ZNF248: variants seen among roughly 807,000 people sequenced by gnomAD.
The protein encoded by ZNF248 is KRAB protein domain.
Under a neutral mutation model 44.3 loss-of-function variants are expected in ZNF248, and 20 were observed. The observed-to-expected ratio is 0.45, with a 90% confidence interval of 0.32 to 0.66. The LOEUF is 0.66. Ranked by LOEUF, ZNF248 falls within the 30% of genes least tolerant of loss-of-function variation. ZNF248 has a pLI of 0.04. For synonymous variants in ZNF248, 224 were observed against 229.0 expected (o/e 0.98, Z 0.20); for missense variants, 654 against 677.0 (o/e 0.97, Z 0.38).
In ZNF248 at chr10:37,836,796, ACACACACACG is replaced by A. The variant is rs542603916; in HGVS notation, c.238+811_238+820del. ...TACACACACACACACACACACACACACACACACACGCATTTTTTTGTCCTTTATTTTAATA... is the reference window on the plus strand; with the variant it reads ...TACACACACACACACACACACACACACATTTTTTTGTCCTTTATTTTAATA... On this transcript the variant is annotated intron_variant, in intron 5 of 5. Transcript: ENST00000395867. 6.0e-3 allele frequency among the ~76,000 whole-genome samples: 910 copies of A among 151,636 alleles called. 10 individuals are homozygous for A. The highest frequency in any genetic ancestry group is 0.021 in the African/African-American group (869 of 41,356).
chr10:37,856,785 C>T (rs967166173), intron 1 of ZNF248: 12 of 934,746 alleles, frequency 1.3e-5, no homozygotes, highest in Non-Finnish European at 1.5e-5. Context: ...AACAATTCCT[C>T]AAAAGGATCT....
chr10:37,822,732 C>T (rs1360742538), intron 6 of ZNF248, among the ~76,000 whole-genome samples: 2 of 152,048 alleles, frequency 1.3e-5, no homozygotes, highest in Non-Finnish European at 2.9e-5. Flanking sequence ...TACATTAACA[C>T]TAACGATAGG....
chr10:37,820,862 T>C, intron 6 of ZNF248: 2 of 1,256,118 alleles, frequency 1.6e-6, no homozygotes, highest in Non-Finnish European at 2.3e-6. Flanking sequence ...TGTATTTATT[T>C]CTTCTTGCAT....
intron 6 of ZNF248, among the ~76,000 whole-genome samples, chr10:37,804,369 C>T (rs1241411449): frequency 6.6e-6 from 1 of 151,872 alleles, no homozygotes; most frequent in Non-Finnish European, 1.5e-5. Context: ...GAGTAGAAAA[C>T]ATAGTTATAT....
chr10:37,762,765 G>A, the ZNF248 span, among the ~76,000 whole-genome samples: 1,829 of 152,236 alleles, frequency 0.012, 38 homozygotes, highest in African/African-American at 0.042. Flanking sequence ...TGGCACACTC[G>A]AGGCTTCCCA....
At chr10:37,822,047 C>T (rs531281191) in intron 6 of ZNF248, among the ~76,000 whole-genome samples, 1 of 152,328 alleles carries the variant, frequency 6.6e-6, no homozygotes, top group East Asian at 1.9e-4. Context: ...CTATGCCTTC[C>T]CCTCCCGGTG....
chr10:37,820,745 GACTC>G (rs1412537598), intron 6 of ZNF248: 21 of 1,305,920 alleles, frequency 1.6e-5, no homozygotes, highest in Non-Finnish European at 5.5e-6. Flanking sequence ...CTGGTTGGAA[GACTC>G]ACTATTAAGT....
chr10:37,798,066 T>C (rs1314256490), intron 6 of ZNF248, among the ~76,000 whole-genome samples: 4 of 152,112 alleles, frequency 2.6e-5, no homozygotes, highest in Non-Finnish European at 5.9e-5. Flanking sequence ...ACAATCCAAA[T>C]GTCTACAAAC....
At chr10:37,779,390 A>G (rs1487304129) in intron 6 of ZNF248, among the ~76,000 whole-genome samples, 3 of 152,212 alleles carry the variant, frequency 2.0e-5, no homozygotes, top group Non-Finnish European at 2.9e-5. Flanking sequence ...AATCCAGCAT[A>G]TAAACAGAGC....
intron 6 of ZNF248, among the ~76,000 whole-genome samples, chr10:37,802,297 T>A (rs1222788673): frequency 6.6e-6 from 1 of 152,156 alleles, no homozygotes; most frequent in Non-Finnish European, 1.5e-5. Flanking sequence ...TGAGATCCTG[T>A]GCAACCTGGC....
intron 5 of ZNF248, among the ~76,000 whole-genome samples, chr10:37,836,836 C>T (rs1249855371): frequency 6.6e-6 from 1 of 151,764 alleles, no homozygotes; most frequent in African/African-American, 2.4e-5. Flanking sequence ...TTAATACACA[C>T]ACTAAGATAC....
chr10:37,820,560 G>A, intron 6 of ZNF248: 1 of 1,601,166 alleles, frequency 6.2e-7, no homozygotes, highest in Non-Finnish European at 8.5e-7. Context: ...CTGGTCCCTG[G>A]CCCGCTTCCC....
intron 3 of ZNF248, among the ~76,000 whole-genome samples, chr10:37,844,348 G>A (rs2058898190): frequency 1.3e-5 from 2 of 152,100 alleles, no homozygotes; most frequent in African/African-American, 4.8e-5. Flanking sequence ...CTGCCCTACA[G>A]AAAATACTAA....
chr10:37,844,948 C>CTT (rs2059030922), intron 3 of ZNF248, among the ~76,000 whole-genome samples: 1 of 132,932 alleles, frequency 7.5e-6, no homozygotes, highest in Non-Finnish European at 1.6e-5. Context: ...CTCCCCCTTC[C>CTT]CTCCCCCCTT....
At chr10:37,761,347 G>T in the ZNF248 span, among the ~76,000 whole-genome samples, 1 of 152,194 alleles carries the variant, frequency 6.6e-6, no homozygotes, top group Non-Finnish European at 1.5e-5. Context: ...TCTCATAAAT[G>T]ACCATTTAGC....
At chr10:37,777,000 T>C (rs1185738574) in intron 6 of ZNF248, among the ~76,000 whole-genome samples, 1 of 152,060 alleles carries the variant, frequency 6.6e-6, no homozygotes, top group East Asian at 1.9e-4. Context: ...TCAGCTGAGG[T>C]TAACTACTAA....
At chr10:37,766,145 G>A in the ZNF248 span, among the ~76,000 whole-genome samples, 2 of 152,332 alleles carry the variant, frequency 1.3e-5, no homozygotes, top group Middle Eastern at 6.8e-3. Flanking sequence ...ACAGCTCAAG[G>A]AGGCCTGCCT....
At chr10:37,804,885 A>G (rs1253097155) in intron 6 of ZNF248, among the ~76,000 whole-genome samples, 2 of 152,244 alleles carry the variant, frequency 1.3e-5, no homozygotes, top group Non-Finnish European at 2.9e-5. Context: ...AAATAATTGT[A>G]TAATGATAAT....
intron 6 of ZNF248, chr10:37,819,937 C>T (rs2053181885): frequency 2.6e-6 from 2 of 770,248 alleles, no homozygotes; most frequent in Non-Finnish European, 4.8e-6. Context: ...AAACGAGGCC[C>T]CATGTCGGAC....
Sources: gnomAD v4.1 joint callset for allele counts (sites outside exome capture counted in the v4.1 genomes callset) on GRCh38, gnomAD v4.1.1 for gene constraint, MANE v1.5 for transcripts, NCBI Gene and HGNC (gene_info 2026-07-23, HGNC 2026-07-21) for gene names.